DMD: variants seen among roughly 807,000 people sequenced by gnomAD.
DMD encodes the protein mutant dystrophin.
Under a neutral mutation model 330.1 loss-of-function variants are expected in DMD, and 63 were observed. That is an observed-to-expected ratio of 0.19 (90% CI 0.16 to 0.24). The LOEUF (loss-of-function observed/expected upper bound fraction) is 0.24. Among genes scored for constraint, DMD ranks in the 10% least tolerant of loss-of-function variants. DMD has a pLI of 1.00. For missense variants in DMD, 3,344 were observed against 2,684.1 expected, an observed-to-expected ratio of 1.25 and a Z score of -5.43; for synonymous variants, 1,223 against 959.8, an observed-to-expected ratio of 1.27 and a Z score of -5.07.
intron 43 of DMD, among the ~76,000 whole-genome samples, chrX:32,219,963 ACAAGTT>A (rs756760397): frequency 1.8e-4 from 14 of 77,626 alleles, no homozygotes; most frequent in Non-Finnish European, 3.7e-4. Context: ...ACAAGTTTCT[ACAAGTT>A]ATCTTTCCTT....
chrX:33,260,429 A>G (rs1773980899), intron 1 of DMD, among the ~76,000 whole-genome samples: 1 of 111,576 alleles, frequency 9.0e-6, no homozygotes, highest in African/African-American at 3.2e-5. Context: ...AGACAACAGC[A>G]CTGCCCTACT....
chrX:32,501,641 T>C, intron 19 of DMD, 114 bp downstream of exon 19: 1 of 568,942 alleles, frequency 1.8e-6, no homozygotes, highest in Non-Finnish European at 3.0e-6. Flanking sequence ...AAACACCTTT[T>C]AATTTAAATT....
chrX:31,570,544 C>G (rs189151604), intron 55 of DMD, among the ~76,000 whole-genome samples: 1 of 111,395 alleles, frequency 9.0e-6, no homozygotes, highest in African/African-American at 3.3e-5. Flanking sequence ...AATTTTCTCT[C>G]AAATATGCTT....
At chrX:32,653,004 G>T (rs902727720) in intron 9 of DMD, among the ~76,000 whole-genome samples, 1 of 111,282 alleles carries the variant, frequency 9.0e-6, no homozygotes, top group Non-Finnish European at 1.9e-5. Flanking sequence ...CTTTTTGATA[G>T]GGTTGTTTTT....
At chrX:31,903,955 T>C (rs1305062816) in intron 47 of DMD, among the ~76,000 whole-genome samples, 3 of 111,808 alleles carry the variant, frequency 2.7e-5, no homozygotes, top group African/African-American at 9.7e-5. Context: ...AGACATTCAT[T>C]ATATAAAAAA....
chrX:31,852,753 T>C (rs2093551600), intron 48 of DMD, among the ~76,000 whole-genome samples: 1 of 112,167 alleles, frequency 8.9e-6, no homozygotes, highest in African/African-American at 3.2e-5. Flanking sequence ...TACTTATTAT[T>C]TGTCAATTAA....
In DMD at chrX:31,768,587, C is replaced by T. The variant is rs1006544050; in HGVS notation, c.7542+5373G>A. Among the ~76,000 whole-genome samples the T allele has an allele frequency of 5.4e-5, 6 of 110,505 alleles. No homozygotes were observed. In the Admixed American group the frequency reaches 5.8e-4, roughly 11 times the overall value. On this transcript the variant is annotated intron_variant, in intron 51 of 78. Coordinates refer to ENST00000357033, the MANE Select transcript of DMD (RefSeq NM_004006.3). ...TTAGTAATCACTCTCAAAGCAAAAC[C>T]CAGGACATATTTTTCCCTTCATTTG... is the stretch of plus-strand genomic sequence containing the variant.
chrX:33,020,203 A>G lies in DMD; in HGVS notation c.32-3T>C. ...CTTTTGAACATCTTCTCTTTCATCT[A>G]AAATGCAAAATAAAAAAATAAAAGT... is the stretch of plus-strand genomic sequence containing the variant. On this transcript the variant is annotated splice_region_variant and splice_polypyrimidine_tract_variant and intron_variant, in intron 1 of 78. Coordinates refer to ENST00000357033, the MANE Select transcript of DMD (RefSeq NM_004006.3). 1 of 1,143,236 alleles carries G rather than the reference A, an allele frequency of 8.7e-7. No homozygotes were observed. Among genetic ancestry groups the G allele is most frequent in the Non-Finnish European group, 1.2e-6 (1 of 840,950 alleles). 94.2% of individuals were successfully genotyped at this position (1,143,236 alleles called of 1,213,427 possible).
At chrX:31,499,221 G>A (rs1378019832) in intron 56 of DMD, among the ~76,000 whole-genome samples, 1 of 111,710 alleles carries the variant, frequency 9.0e-6, no homozygotes, top group African/African-American at 3.3e-5. Context: ...GAGAGGAAGG[G>A]AAGAGAGAAT....
intron 4 of DMD, among the ~76,000 whole-genome samples, chrX:32,842,509 A>T (rs924164257): frequency 9.3e-6 from 1 of 107,367 alleles, no homozygotes; most frequent in African/African-American, 3.5e-5. Flanking sequence ...TGCCCAAAAA[A>T]CCTCCCAAAA....
intron 1 of DMD, among the ~76,000 whole-genome samples, chrX:33,170,414 T>G (rs1325694201): frequency 9.0e-6 from 1 of 111,306 alleles, no homozygotes; most frequent in Non-Finnish European, 1.9e-5. Context: ...ACAAATATCT[T>G]TTATTTCTCA....
chrX:31,666,823 T>C (rs771578599), intron 53 of DMD, among the ~76,000 whole-genome samples: 4 of 112,020 alleles, frequency 3.6e-5, no homozygotes, highest in Non-Finnish European at 5.6e-5. Context: ...AGGTAGCAGT[T>C]ATGTTCCACA....
intron 59 of DMD, among the ~76,000 whole-genome samples, chrX:31,472,769 C>G (rs1462198040): frequency 8.9e-6 from 1 of 112,241 alleles, no homozygotes; most frequent in South Asian, 3.7e-4. Context: ...TTAAATCAAT[C>G]TCAATTTGAA....
chrX:32,408,865 CATCTATCTATCTATCT>C lies in DMD; in HGVS notation c.4233+2871_4233+2886del, dbSNP rs10559613. 7.2e-3 allele frequency among the ~76,000 whole-genome samples: 696 copies of C among 96,925 alleles called. 4 individuals carry two copies. Among genetic ancestry groups the C allele is most frequent in the South Asian group, 0.066 (133 of 2,004 alleles). The allele number at this position is 96,925 out of a possible 115,157, so 84.2% of individuals were successfully genotyped here. ...TTCTATTCCTTTCTTTTCTTTCTTT[CATCTATCTATCTATCT>C]ATCTATCTATCTATCTATCTATCTA... On this transcript the variant is annotated intron_variant, in intron 30 of 78. Coordinates refer to ENST00000357033, the MANE Select transcript of DMD (RefSeq NM_004006.3).
intron 29 of DMD, among the ~76,000 whole-genome samples, chrX:32,428,829 C>A (rs920554756): frequency 1.8e-5 from 2 of 111,465 alleles, no homozygotes; most frequent in African/African-American, 6.5e-5. Context: ...CCAGATTGGT[C>A]TCGAACTCCT....
intron 1 of DMD, among the ~76,000 whole-genome samples, chrX:33,281,234 A>C (rs1372331221): frequency 2.1e-5 from 2 of 93,220 alleles, no homozygotes; most frequent in Non-Finnish European, 4.1e-5. Flanking sequence ...TTTGAGACGG[A>C]GTCTCACTCT....
At chrX:32,635,861 C>T (rs769519847) in intron 11 of DMD, among the ~76,000 whole-genome samples, 37 of 112,009 alleles carry the variant, frequency 3.3e-4, no homozygotes, top group Admixed American at 3.0e-3. Context: ...ACCTTTACCA[C>T]AAGTACATCC....
chrX:32,624,450 CAT>C (rs1319439729), intron 11 of DMD, among the ~76,000 whole-genome samples: 1 of 111,998 alleles, frequency 8.9e-6, no homozygotes, highest in African/African-American at 3.2e-5. Flanking sequence ...ACTTTGGCAA[CAT>C]AGAGTTACAG....
At position 32,485,045 on chromosome X, in the gene DMD, G is replaced by T. The variant is rs1216832424; in HGVS notation, c.2677C>A (p.Gln893Lys). The change falls in exon 21 of 79, where the codon CAA (glutamine) becomes AAA (lysine). Residue 893 changes from glutamine (Q) to lysine (K), a missense_variant. Gln to Lys is a moderately conservative substitution (Grantham distance 53). Coordinates refer to ENST00000357033, the MANE Select transcript of DMD (RefSeq NM_004006.3). The part of the protein sequence containing the change: ...LQPQIERLKI[Q>K]SIALKEKGQG... Reference sequence around the variant, plus strand: ...CCTTTCTCTTTCAGGGCTATGCTTTGAATTTTTAATCGTTCAATTTGAGGT... The same window carrying T: ...CCTTTCTCTTTCAGGGCTATGCTTTTAATTTTTAATCGTTCAATTTGAGGT... 8.3e-7 allele frequency: 1 copy of T among 1,209,556 alleles called. No homozygotes were observed.
Sources: allele counts gnomAD v4.1 joint callset (sites outside exome capture counted in the v4.1 genomes callset), GRCh38; gene constraint gnomAD v4.1.1; transcripts MANE v1.5; gene names NCBI Gene and HGNC (gene_info 2026-07-23, HGNC 2026-07-21).